Variants in ZNF124 observed in about 807,000 individuals in gnomAD.
The protein encoded by ZNF124 is zinc finger protein 124.
ZNF124 carries 25 observed loss-of-function variants against 26.6 expected under a neutral mutation model. The observed-to-expected ratio is 0.94, with a 90% CI of 0.68 to 1.31. The LOEUF (loss-of-function observed/expected upper bound fraction) is 1.31. ZNF124 is among the 40% of genes most tolerant of loss of function. ZNF124 has a pLI of 0.00. For missense variants in ZNF124, 444 were observed against 422.2 expected (o/e 1.05, Z -0.45); for synonymous variants, 129 against 133.3 (o/e 0.97, Z 0.22).
rs569692776 is a variant in ZNF124, at chr1:247,169,597, C to A, written c.30+2251G>T. ...CTCAATGCCCACCCTCCCCCAGAAA[C>A]CTGTGCCGTGTCCCCACTGTGCCCC... On this transcript the variant is annotated intron_variant, in intron 1 of 3. Coordinates refer to ENST00000543802, the MANE Select transcript of ZNF124 (RefSeq NM_001297568.2). 1.6e-3 allele frequency among the ~76,000 whole-genome samples: 237 copies of A among 148,814 alleles called. 3 individuals are homozygous for A. The highest frequency in any genetic ancestry group is 2.9e-3 in the Admixed American group (43 of 14,866).
intron 3 of ZNF124, among the ~76,000 whole-genome samples, chr1:247,132,659 C>A (rs183805023): frequency 9.8e-5 from 15 of 152,298 alleles, no homozygotes; most frequent in African/African-American, 3.6e-4. Context: ...GCAGACAGCC[C>A]GGTGCCACAC....
chr1:247,144,029 G>T (rs568531261), intron 3 of ZNF124, among the ~76,000 whole-genome samples: 31 of 152,308 alleles, frequency 2.0e-4, no homozygotes, highest in African/African-American at 7.2e-4. Context: ...AAAAGGATAT[G>T]AACCCACAGC....
At chr1:247,138,842 C>A in intron 3 of ZNF124, 2 of 397,926 alleles carry the variant, frequency 5.0e-6, no homozygotes, top group South Asian at 2.6e-4. Flanking sequence ...CTGGAAATGT[C>A]AAGCTGGGAA....
At chr1:247,150,625 C>T (rs1262806793), downstream of ZNF124, among the ~76,000 whole-genome samples, 1 of 150,852 alleles carries the variant, frequency 6.6e-6, no homozygotes, top group Non-Finnish European at 1.5e-5. Context: ...AGAAAGATTT[C>T]TTAAATAAAA....
chr1:247,136,441 A>G (rs1672485094), intron 3 of ZNF124, among the ~76,000 whole-genome samples: 1 of 152,212 alleles, frequency 6.6e-6, no homozygotes, highest in African/African-American at 2.4e-5. Context: ...CTAACAAGGG[A>G]TGTAAAGGAC....
intron 3 of ZNF124, among the ~76,000 whole-genome samples, chr1:247,125,128 G>C (rs1383250336): frequency 1.3e-5 from 2 of 152,154 alleles, no homozygotes; most frequent in African/African-American, 4.8e-5. Flanking sequence ...GGGTGAATAA[G>C]ATTTCATTGC....
At position 247,131,355 on chromosome 1, in the gene ZNF124, C is replaced by T. The variant is rs149262499; in HGVS notation, c.219-7484G>A. ...GCAAACCCACGCCACCGAGGCCTGC[C>T]GTCCCAACCCTGGAACGCCCAGATT... On this transcript the variant is annotated intron_variant, in intron 3 of 3. Transcript: ENST00000472531. 2.3e-3 allele frequency among the ~76,000 whole-genome samples: 343 copies of T among 152,330 alleles called. 1 individual carries two copies. Among genetic ancestry groups the T allele is most frequent in the Admixed American group, 3.9e-3 (60 of 15,308 alleles).
intron 3 of ZNF124, among the ~76,000 whole-genome samples, chr1:247,149,469 G>A (rs538279357): frequency 6.6e-6 from 1 of 152,258 alleles, no homozygotes; most frequent in South Asian, 2.1e-4. Context: ...ATAGATGAAT[G>A]GATACAGAAA....
At chr1:247,140,471 C>T (rs1184370549) in intron 3 of ZNF124, among the ~76,000 whole-genome samples, 2 of 152,158 alleles carry the variant, frequency 1.3e-5, no homozygotes, top group Non-Finnish European at 2.9e-5. Context: ...TTTGTCATTC[C>T]AGCCAGCTCA....
intron 2 of ZNF124, among the ~76,000 whole-genome samples, chr1:247,159,283 A>G (rs1673341150): frequency 6.6e-6 from 1 of 152,164 alleles, no homozygotes; most frequent in African/African-American, 2.4e-5. Flanking sequence ...TTACTCTTGC[A>G]AGACTGAATT....
At chr1:247,144,024 G>A (rs548720804) in intron 3 of ZNF124, among the ~76,000 whole-genome samples, 1 of 152,244 alleles carries the variant, frequency 6.6e-6, no homozygotes, top group East Asian at 1.9e-4. Flanking sequence ...AGACCAAAAG[G>A]ATATGAACCC....
Position 247,157,237 on chromosome 1 carries a change from T to C in ZNF124, c.385A>G (p.Lys129Glu), listed in dbSNP as rs1673202542. The change falls in exon 4 of 4, where the codon AAA becomes GAA. Residue 129 changes from lysine (K) to glutamate (E), a missense_variant. Transcript: ENST00000543802. Reference protein sequence around the residue: ...NGHYGCTICEKVFNIPSSFQI... With the variant: ...NGHYGCTICEEVFNIPSSFQI... ...AATGAACTGGGAATATTAAAAACTT[T>C]CTCACATATTGTACAACCATAATGT... 3 of 1,614,112 alleles carry C rather than the reference T, an allele frequency of 1.9e-6. No homozygotes were observed. Among genetic ancestry groups the C allele is most frequent in the Non-Finnish European group, 2.5e-6 (3 of 1,179,934 alleles).
At chr1:247,141,764 G>A (rs568842804) in intron 3 of ZNF124, among the ~76,000 whole-genome samples, 11 of 152,288 alleles carry the variant, frequency 7.2e-5, no homozygotes, top group African/African-American at 2.4e-4. Flanking sequence ...ATCCCCAAGG[G>A]TCCGCACTGG....
At position 247,168,952 on chromosome 1, in the gene ZNF124, C is replaced by T. The variant is rs1673936609; in HGVS notation, c.30+2896G>A. The stretch of plus-strand genomic sequence containing the variant: ...AGCAATCACCACTAGAGAGCTTATC[C>T]TTGTAACCAAAAACCACCTGCTACC... On this transcript the variant is annotated intron_variant, in intron 1 of 3. Transcript: ENST00000543802. This position sits in a 1 kb window ranked among gnomAD's most constrained non-coding sequence, Gnocchi z 4.0. Among the ~76,000 whole-genome samples, 1 of 151,944 alleles carries T rather than the reference C, an allele frequency of 6.6e-6. No individual in the cohort carries two copies.
chr1:247,169,147 T>G (rs538552910), intron 1 of ZNF124, among the ~76,000 whole-genome samples: 1 of 152,302 alleles, frequency 6.6e-6, no homozygotes, highest in East Asian at 1.9e-4. Flanking sequence ...TATGTTTACC[T>G]AAGGCACCAA....
At chr1:247,122,343 G>T (rs898988742) in exon 4 of ZNF124, 1 of 152,146 alleles carries the variant, frequency 6.6e-6, no homozygotes, top group Non-Finnish European at 1.5e-5. Context: ...ATATTAGGTG[G>T]CATTAAAACC....
At chr1:247,148,989 C>A (rs991190654) in intron 3 of ZNF124, among the ~76,000 whole-genome samples, 2 of 151,178 alleles carry the variant, frequency 1.3e-5, no homozygotes, top group African/African-American at 4.9e-5. Flanking sequence ...AAAAAAAAAA[C>A]AAATCCCAGT....
chr1:247,126,404 G>A (rs969296274), intron 3 of ZNF124, among the ~76,000 whole-genome samples: 1 of 48,940 alleles, frequency 2.0e-5, no homozygotes, highest in African/African-American at 9.1e-5. Context: ...TAGAAAACCC[G>A]AGGCGGCTTC....
chr1:247,135,625 T>C (rs898490073), intron 3 of ZNF124, among the ~76,000 whole-genome samples: 2 of 152,162 alleles, frequency 1.3e-5, no homozygotes, highest in African/African-American at 4.8e-5. Flanking sequence ...TACCATTCCT[T>C]CTGAAACTAT....
Sources: allele counts gnomAD v4.1 joint callset (sites outside exome capture counted in the v4.1 genomes callset), GRCh38; gene constraint gnomAD v4.1.1; non-coding constraint Gnocchi (gnomAD v3.1); transcripts MANE v1.5; gene names NCBI Gene and HGNC (gene_info 2026-07-23, HGNC 2026-07-21).